The following STXBP5L variants were observed in gnomAD, a reference collection of about 807,000 sequenced individuals.
The protein encoded by STXBP5L is syntaxin-binding protein 5-like.
STXBP5L carries 65 observed loss-of-function variants against 144.5 expected under a neutral mutation model. The observed-to-expected ratio is 0.45, with a 90% CI of 0.37 to 0.55. The LOEUF (loss-of-function observed/expected upper bound fraction) is 0.55. Among genes scored for constraint, STXBP5L ranks in the 20% least tolerant of loss-of-function variants. The probability of loss-of-function intolerance (pLI) is 0.00; values close to 1 mark genes in which losing one functional copy is unlikely to be tolerated. For synonymous variants in STXBP5L, 505 were observed against 469.6 expected (o/e 1.08, Z -0.97); for missense variants, 1,298 against 1,405.5 (o/e 0.92, Z 1.22).
intron 3 of STXBP5L, among the ~76,000 whole-genome samples, chr3:120,979,301 C>G (rs533934244): frequency 6.6e-6 from 1 of 152,326 alleles, no homozygotes; most frequent in African/African-American, 2.4e-5. Context: ...TGATCTCAGA[C>G]TGCTGTGCTA....
chr3:121,175,668 TAAA>T lies in STXBP5L; in HGVS notation c.877+18042_877+18044del, dbSNP rs898171382. ...GGCAGAAAAGGAGGGAAAAAAGAAATAAAGAACAAATAGAAAATAACAAATATG... is the reference window on the plus strand; with the variant it reads ...GGCAGAAAAGGAGGGAAAAAAGAAATGAACAAATAGAAAATAACAAATATG... On this transcript the variant is annotated intron_variant, in intron 9 of 26. Coordinates refer to ENST00000471454, the MANE Select transcript of STXBP5L (RefSeq NM_001308330.2). 4.0e-5 allele frequency among the ~76,000 whole-genome samples: 6 copies of T among 151,596 alleles called. 1 individual carries two copies. Among genetic ancestry groups the T allele is most frequent in the African/African-American group, 1.2e-4 (5 of 41,276 alleles).
chr3:120,967,096 C>A (rs1576513387), intron 3 of STXBP5L, among the ~76,000 whole-genome samples: 2 of 152,024 alleles, frequency 1.3e-5, no homozygotes, highest in South Asian at 4.1e-4. Flanking sequence ...GGTGTGGGAC[C>A]CACTGAGCCA....
At chr3:121,061,133 A>G (rs769716086) in intron 5 of STXBP5L, among the ~76,000 whole-genome samples, 9 of 152,292 alleles carry the variant, frequency 5.9e-5, no homozygotes, top group Admixed American at 1.3e-4. Context: ...CCATCTAAAC[A>G]CTGCTTTAGC....
At chr3:121,405,626 C>G (rs2046978990) in intron 22 of STXBP5L, among the ~76,000 whole-genome samples, 1 of 152,018 alleles carries the variant, frequency 6.6e-6, no homozygotes, top group South Asian at 2.1e-4. Context: ...ATTATTGAAG[C>G]CCATAAGTTT....
intron 10 of STXBP5L, among the ~76,000 whole-genome samples, chr3:121,206,411 G>A (rs923699001): frequency 3.9e-5 from 6 of 152,206 alleles, no homozygotes; most frequent in South Asian, 2.1e-4. Context: ...CAGTTTGTTC[G>A]AAAGATAAAG....
At chr3:121,094,682 G>C (rs1310343915) in intron 5 of STXBP5L, among the ~76,000 whole-genome samples, 2 of 152,100 alleles carry the variant, frequency 1.3e-5, no homozygotes, top group Non-Finnish European at 2.9e-5. Flanking sequence ...ACGTGAGATG[G>C]TTTTCCTGAA....
rs576067989 is a variant in STXBP5L, at chr3:120,967,234, T to A, written c.287+12197T>A. 9.2e-5 allele frequency among the ~76,000 whole-genome samples: 14 copies of A among 152,224 alleles called. No individual in the cohort carries two copies. The East Asian group carries it at 2.5e-3, about 27-fold the overall frequency. ...TTCCCTTGGCTAGGAAAGGGAAATT[T>A]CCCCTCCCCTTGCACTTCCTGGGTG... On this transcript the variant is annotated intron_variant, in intron 3 of 26. Coordinates refer to ENST00000471454, the MANE Select transcript of STXBP5L (RefSeq NM_001308330.2).
rs1249780796 is a variant in STXBP5L at position 121,167,888 on chromosome 3, A to G, written c.877+10261A>G. Among the ~76,000 whole-genome samples the G allele has an allele frequency of 2.0e-5, 3 of 152,212 alleles. No individual in the cohort carries two copies. In the East Asian group the frequency reaches 5.8e-4, roughly 29 times the overall value. On this transcript the variant is annotated intron_variant, in intron 9 of 26. Transcript: ENST00000471454. ...CTGACCCCCATGCCTCCTGACTTGG[A>G]GACACCTCCCAGCAGGGGCCAACAG...
intron 5 of STXBP5L, among the ~76,000 whole-genome samples, chr3:121,052,781 A>C (rs958239692): frequency 3.1e-4 from 47 of 152,244 alleles, no homozygotes; most frequent in Non-Finnish European, 5.9e-4. Context: ...AAGGGTATTC[A>C]ATTAGGAAAA....
chr3:121,056,129 G>T (rs1396665148), intron 5 of STXBP5L, among the ~76,000 whole-genome samples: 2 of 152,052 alleles, frequency 1.3e-5, no homozygotes, highest in South Asian at 2.1e-4. Context: ...AAGCCTTTCT[G>T]GTGGATGATC....
At chr3:121,062,262 C>G (rs1303539832) in intron 5 of STXBP5L, among the ~76,000 whole-genome samples, 1 of 152,124 alleles carries the variant, frequency 6.6e-6, no homozygotes, top group Non-Finnish European at 1.5e-5. Flanking sequence ...CTTAGTTTGG[C>G]TGGATATGAA....
chr3:121,235,889 A>C (rs1194684923), intron 12 of STXBP5L, among the ~76,000 whole-genome samples: 3 of 151,678 alleles, frequency 2.0e-5, no homozygotes, highest in Non-Finnish European at 4.4e-5. Context: ...ATTGGACTAA[A>C]CTCCTAATTT....
intron 5 of STXBP5L, among the ~76,000 whole-genome samples, chr3:121,075,024 C>G (rs1266151741): frequency 1.1e-4 from 17 of 152,106 alleles, no homozygotes; most frequent in Admixed American, 1.0e-3. Context: ...CACTTTTTGG[C>G]CCTCTACCTC....
intron 5 of STXBP5L, among the ~76,000 whole-genome samples, chr3:121,101,702 T>TA (rs1184233746): frequency 6.6e-6 from 1 of 151,892 alleles, no homozygotes; most frequent in African/African-American, 2.4e-5. Flanking sequence ...TCAACATTCT[T>TA]ATTCAACATA....
At chr3:120,929,884 GT>G (rs939433800) in intron 2 of STXBP5L, among the ~76,000 whole-genome samples, 14 of 150,718 alleles carry the variant, frequency 9.3e-5, no homozygotes, top group African/African-American at 1.2e-4. Flanking sequence ...AGTCAGTTGA[GT>G]TTTTTTTTAT....
At chr3:120,909,445 G>C in intron 1 of STXBP5L, 126 bp from the exon 2 acceptor site, 6 of 762,050 alleles carry the variant, frequency 7.9e-6, no homozygotes, top group Non-Finnish European at 1.2e-5. Context: ...TTTTCCAGTC[G>C]GTCGTAACCA....
intron 14 of STXBP5L, among the ~76,000 whole-genome samples, 178 bp from the exon 15 acceptor site, chr3:121,250,545 G>C (rs1463782712): frequency 6.6e-6 from 1 of 150,718 alleles, no homozygotes; most frequent in African/African-American, 2.4e-5. Context: ...TTAGTATATT[G>C]TTTAAGAAAT....
intron 2 of STXBP5L, among the ~76,000 whole-genome samples, chr3:120,911,310 AGATAGTCATAG>A: frequency 6.6e-6 from 1 of 152,226 alleles, no homozygotes; most frequent in South Asian, 2.1e-4. Context: ...TTCAGGCAAG[AGATAGTCATAG>A]GAAGTACCAG....
At chr3:121,054,654 G>A (rs1186395955) in intron 5 of STXBP5L, among the ~76,000 whole-genome samples, 1 of 151,312 alleles carries the variant, frequency 6.6e-6, no homozygotes, top group Admixed American at 6.6e-5. Context: ...ACGAGTTAAT[G>A]GGTGCAGCAC....
Sources: allele counts gnomAD v4.1 joint callset (sites outside exome capture counted in the v4.1 genomes callset), GRCh38; gene constraint gnomAD v4.1.1; transcripts MANE v1.5; gene names NCBI Gene and HGNC (gene_info 2026-07-23, HGNC 2026-07-21).